Variants in IGSF10 observed in about 807,000 individuals in gnomAD.
IGSF10 encodes the protein immunoglobulin superfamily member 10.
IGSF10 carries 126 observed loss-of-function variants against 128.2 expected under a neutral mutation model. The observed-to-expected ratio is 0.98, with a 90% confidence interval of 0.85 to 1.14. The LOEUF (loss-of-function observed/expected upper bound fraction) is 1.14. IGSF10 is among the 50% of genes most tolerant of loss of function. The probability of loss-of-function intolerance (pLI) is 0.00; values close to 1 mark genes in which losing one functional copy is unlikely to be tolerated. For synonymous variants in IGSF10, 1,185 were observed against 1,146.2 expected (o/e 1.03, Z -0.68); for missense variants, 3,295 against 3,149.8 (o/e 1.05, Z -1.10).
the IGSF10 span, among the ~76,000 whole-genome samples, chr3:151,552,947 C>T: frequency 5.9e-5 from 9 of 152,114 alleles, no homozygotes; most frequent in Admixed American, 1.3e-4. Flanking sequence ...ATTAGTTTTA[C>T]GGCTCATCCA....
At chr3:151,460,189 C>G (rs1721987258) in intron 2 of IGSF10, 72 bp downstream of exon 2, 1 of 328,216 alleles carries the variant, frequency 3.0e-6, no homozygotes, top group Admixed American at 6.5e-5. Flanking sequence ...TAGCATAAGA[C>G]AACACATGAA....
At chr3:151,477,212 G>C in the IGSF10 span, among the ~76,000 whole-genome samples, 2 of 151,930 alleles carry the variant, frequency 1.3e-5, no homozygotes, top group Non-Finnish European at 2.9e-5. Flanking sequence ...CTGTGTCATT[G>C]ATTTAATACC....
rs751981618 is a variant in IGSF10 at position 151,447,690 on chromosome 3, T to C, written c.2291A>G (p.Lys764Arg). Reference sequence around the variant, plus strand: ...TCGCTTGTCTGGCATAGCATTCTTTTTAGCTTTCTCCAACAGTGCCGCCCA... The same window carrying C: ...TCGCTTGTCTGGCATAGCATTCTTTCTAGCTTTCTCCAACAGTGCCGCCCA... ...QHWAALLEKA[K>R]KNAMPDKREN... Residue 764 changes from lysine to arginine, a missense_variant, in exon 6 of 8, where the codon AAA becomes AGA. Lys to Arg is a conservative substitution (Grantham distance 26). Transcript: ENST00000282466. 6.2e-7 allele frequency: 1 copy of C among 1,614,198 alleles called. No homozygotes were observed. Among genetic ancestry groups the C allele is most frequent in the East Asian group, 2.2e-5 (1 of 44,886 alleles).
the IGSF10 span, among the ~76,000 whole-genome samples, chr3:151,474,513 C>T: frequency 9.2e-5 from 14 of 152,100 alleles, no homozygotes; most frequent in Non-Finnish European, 1.9e-4. Flanking sequence ...AAATGAGTAC[C>T]TCTTTAAATT....
chr3:151,463,523 G>GGTTTTTTTTTTTGTTT (rs1553837068), upstream of IGSF10, among the ~76,000 whole-genome samples: 8 of 31,270 alleles, frequency 2.6e-4, no homozygotes, highest in African/African-American at 4.9e-4. Context: ...ACATTTTCTG[G>GGTTTTTTTTTTTGTTT]TTTTTTTTTT....
downstream of IGSF10, chr3:151,432,933 A>G (rs1484384396): frequency 4.7e-6 from 3 of 635,486 alleles, no homozygotes; most frequent in African/African-American, 4.5e-5. Context: ...ATTTTATGCT[A>G]CATCTCACAA....
chr3:151,458,529 G>T lies in IGSF10; in HGVS notation c.181C>A (p.Arg61Ser), dbSNP rs540940513. ...IPDSIPPNVE[R>S]INLGYNSLVR... is the part of the protein sequence containing the mutation. Reference sequence around the variant, plus strand: ...GGTCTCACACACCCTAAATTGATGCGTTCCACATTGGGCGGGATGCTGTCT... The same window carrying T: ...GGTCTCACACACCCTAAATTGATGCTTTCCACATTGGGCGGGATGCTGTCT... Residue 61 changes from arginine to serine, a missense_variant, in exon 3 of 8, where the codon CGC (arginine) becomes AGC (serine). By Grantham distance (110) the Arg-to-Ser change is moderately radical (BLOSUM62 -1). Transcript: ENST00000282466. The T allele has an allele frequency of 1.2e-6, 2 of 1,613,400 alleles. No individual in the cohort carries two copies. Among genetic ancestry groups the T allele is most frequent in the East Asian group, 2.2e-5 (1 of 44,872 alleles).
upstream of IGSF10, among the ~76,000 whole-genome samples, chr3:151,462,271 G>A (rs1200773906): frequency 6.6e-6 from 1 of 152,052 alleles, no homozygotes; most frequent in Non-Finnish European, 1.5e-5. Context: ...AGGGTCACGG[G>A]TCCAGCATCA....
At chr3:151,583,787 A>C in the IGSF10 span, among the ~76,000 whole-genome samples, 29 of 152,198 alleles carry the variant, frequency 1.9e-4, no homozygotes, top group Admixed American at 9.2e-4. Flanking sequence ...TTAATCTTTT[A>C]GTTATTTATT....
At chr3:151,517,206 G>T in the IGSF10 span, among the ~76,000 whole-genome samples, 1 of 152,006 alleles carries the variant, frequency 6.6e-6, no homozygotes, top group South Asian at 2.1e-4. Flanking sequence ...ATTACTTACT[G>T]ACTAAACAGG....
the IGSF10 span, among the ~76,000 whole-genome samples, chr3:151,533,113 G>A: frequency 3.3e-5 from 5 of 152,162 alleles, no homozygotes; most frequent in African/African-American, 1.2e-4. Flanking sequence ...CAAGGGATGT[G>A]AAGGACCTCT....
chr3:151,605,002 G>A, the IGSF10 span, among the ~76,000 whole-genome samples: 2 of 152,156 alleles, frequency 1.3e-5, no homozygotes, highest in African/African-American at 4.8e-5. Flanking sequence ...GGCAACTCAT[G>A]CCTAATTCAT....
At chr3:151,450,696 A>T (rs949809736) in intron 5 of IGSF10, among the ~76,000 whole-genome samples, 1 of 152,038 alleles carries the variant, frequency 6.6e-6, no homozygotes, top group Non-Finnish European at 1.5e-5. Context: ...TGGAAGTTTG[A>T]GACCAGTCTG....
At chr3:151,497,761 T>C in the IGSF10 span, among the ~76,000 whole-genome samples, 130,247 of 152,018 alleles carry the variant, frequency 0.86, 56,018 homozygotes, top group Middle Eastern at 0.95. Flanking sequence ...TATGAATTAC[T>C]TTGGGCAGTA....
Position 151,458,656 on chromosome 3 carries a change from G to C in IGSF10, c.54C>G (p.Ile18Met), listed in dbSNP as rs754886994. 1.9e-6 allele frequency: 3 copies of C among 1,614,066 alleles called. No homozygotes were observed. The highest frequency in any genetic ancestry group is 4.5e-5 in the East Asian group (2 of 44,894). The change falls in exon 3 of 8, where the codon ATC becomes ATG. Residue 18 changes from isoleucine (I) to methionine (M), a missense_variant. Physicochemically the swap from Ile to Met is conservative, Grantham distance 10 (BLOSUM62 1). Coordinates refer to ENST00000282466, the MANE Select transcript of IGSF10 (RefSeq NM_178822.5). ...ITCLLVSFAV[I>M]CLVATPGGKA... ...TGCCCCCAGGGGTGGCGACCAGGCA[G>C]ATCACAGCAAAGGAGACCAGCAAGC...
chr3:151,457,588 G>A (rs555461938), intron 3 of IGSF10, among the ~76,000 whole-genome samples: 5 of 152,124 alleles, frequency 3.3e-5, no homozygotes, highest in African/African-American at 4.8e-5. Flanking sequence ...TGGGCGTCTC[G>A]TTTGGGTATG....
At chr3:151,512,218 A>G in the IGSF10 span, among the ~76,000 whole-genome samples, 6 of 152,228 alleles carry the variant, frequency 3.9e-5, no homozygotes, top group Non-Finnish European at 1.5e-5. Flanking sequence ...TTGGAAGTAA[A>G]GCACTCCTCA....
the IGSF10 span, among the ~76,000 whole-genome samples, chr3:151,536,734 C>G: frequency 6.6e-6 from 1 of 152,150 alleles, no homozygotes; most frequent in Non-Finnish European, 1.5e-5. Context: ...TTACTTTTCC[C>G]CTTAAAGTTC....
Position 151,436,518 on chromosome 3 carries a change from TATC to T in IGSF10, c.*168_*170del, listed in dbSNP as rs1396108934. 1.9e-6 allele frequency: 1 copy of T among 522,540 alleles called. No individual in the cohort carries two copies. Among genetic ancestry groups the T allele is most frequent in the Admixed American group, 3.7e-5 (1 of 26,936 alleles). The allele number at this position is 522,540 out of a possible 1,614,324, so 32.4% of individuals were successfully genotyped here. The stretch of plus-strand genomic sequence containing the variant: ...TTTTGAGATCCATTAAATAAATCAG[TATC>T]ATCAGTTCATAATGCATTTATTTAC... On this transcript the variant is annotated 3_prime_UTR_variant, in exon 8 of 8. Transcript: ENST00000282466.
Sources: gnomAD v4.1 joint callset for allele counts (sites outside exome capture counted in the v4.1 genomes callset) on GRCh38, gnomAD v4.1.1 for gene constraint, MANE v1.5 for transcripts, NCBI Gene and HGNC (gene_info 2026-07-23, HGNC 2026-07-21) for gene names.